The following CRTC3 variants were observed in gnomAD, a reference collection of about 807,000 sequenced individuals.
CRTC3 encodes CREB-regulated transcription coactivator 3.
CRTC3 carries 26 observed loss-of-function variants against 74.5 expected under a neutral mutation model. The observed-to-expected ratio is 0.35, with a 90% confidence interval of 0.26 to 0.48. CRTC3 has a LOEUF of 0.48. Among genes scored for constraint, CRTC3 ranks in the 20% least tolerant of loss-of-function variants. The pLI, the probability that CRTC3 is intolerant of heterozygous loss-of-function variation, is 0.99. For synonymous variants in CRTC3, 377 were observed against 325.8 expected (o/e 1.16, Z -1.69); for missense variants, 760 against 787.3 (o/e 0.97, Z 0.41).
At chr15:90,641,586 G>T (rs1969444543) in intron 14 of CRTC3, among the ~76,000 whole-genome samples, 1 of 151,960 alleles carries the variant, frequency 6.6e-6, no homozygotes. Context: ...TGTGGTCTCA[G>T]CTACTCGGGA....
chr15:90,545,307 G>A (rs1249263413), intron 2 of CRTC3, among the ~76,000 whole-genome samples: 1 of 152,162 alleles, frequency 6.6e-6, no homozygotes, highest in Non-Finnish European at 1.5e-5. Context: ...ATGAACATGG[G>A]TGTGCAAATA....
At chr15:90,594,742 A>T (rs1967880496) in intron 3 of CRTC3, 1 of 151,608 alleles carries the variant, frequency 6.6e-6, no homozygotes, top group African/African-American at 2.4e-5. Flanking sequence ...TCATTTTCTG[A>T]TGAGGAAACT....
At chr15:90,589,347 G>C (rs1238007139) in intron 2 of CRTC3, among the ~76,000 whole-genome samples, 1 of 149,330 alleles carries the variant, frequency 6.7e-6, no homozygotes, top group Non-Finnish European at 1.5e-5. Context: ...GAGCCATGGC[G>C]CCCAGCCTGT....
intron 2 of CRTC3, among the ~76,000 whole-genome samples, chr15:90,549,953 C>T (rs536000174): frequency 6.6e-6 from 1 of 150,914 alleles, no homozygotes; most frequent in Non-Finnish European, 1.5e-5. Flanking sequence ...ATTTGCCCGC[C>T]CTGGCCTCCC....
chr15:90,615,216 T>A (rs1303467578), intron 7 of CRTC3, among the ~76,000 whole-genome samples: 1 of 152,166 alleles, frequency 6.6e-6, no homozygotes, highest in Non-Finnish European at 1.5e-5. Flanking sequence ...AAACCTTACA[T>A]AAGATACTGA....
chr15:90,553,878 C>T (rs1358245911), intron 2 of CRTC3, among the ~76,000 whole-genome samples: 1 of 152,318 alleles, frequency 6.6e-6, no homozygotes. Context: ...CAATGATCTA[C>T]TTGAAAAGAA....
chr15:90,630,190 G>A (rs1356210799), intron 11 of CRTC3, among the ~76,000 whole-genome samples: 2 of 152,186 alleles, frequency 1.3e-5, no homozygotes, highest in Admixed American at 6.5e-5. Context: ...AGGGAAACCA[G>A]GTTAGGATTT....
chr15:90,538,773 C>CTTTTTTTTTTTTTTTT (rs4031379), intron 1 of CRTC3, among the ~76,000 whole-genome samples: 1 of 144,462 alleles, frequency 6.9e-6, no homozygotes, highest in Non-Finnish European at 1.5e-5. Context: ...CAAACTTCAC[C>CTTTTTTTTTTTTTTTT]TTTTTTTTTT....
At chr15:90,568,724 T>G (rs1967183358) in intron 2 of CRTC3, among the ~76,000 whole-genome samples, 1 of 152,286 alleles carries the variant, frequency 6.6e-6, no homozygotes, top group East Asian at 1.9e-4. Context: ...TGAAAGGAAG[T>G]TGATACAGCC....
chr15:90,638,267 G>A (rs1206392526), intron 11 of CRTC3, 179 bp from the exon 12 acceptor site: 2 of 580,310 alleles, frequency 3.4e-6, no homozygotes, highest in Non-Finnish European at 6.1e-6. Context: ...ATGCTTTGTG[G>A]GGAAGTAAAA....
At chr15:90,628,943 CCT>C (rs1968936306) in intron 10 of CRTC3, among the ~76,000 whole-genome samples, 1 of 152,142 alleles carries the variant, frequency 6.6e-6, no homozygotes, top group Non-Finnish European at 1.5e-5. Flanking sequence ...GGAATATTTG[CCT>C]CTGTTACCCC....
intron 2 of CRTC3, among the ~76,000 whole-genome samples, chr15:90,587,971 G>A (rs1474776251): frequency 6.6e-6 from 1 of 150,692 alleles, no homozygotes; most frequent in South Asian, 2.2e-4. Context: ...AATGGGGCCA[G>A]GCACAATGGC....
At chr15:90,545,179 C>G (rs758972817) in intron 2 of CRTC3, among the ~76,000 whole-genome samples, 7 of 152,084 alleles carry the variant, frequency 4.6e-5, no homozygotes, top group South Asian at 2.1e-4. Flanking sequence ...ACATGATTTC[C>G]TTCCTTTTCA....
chr15:90,601,552 C>G (rs1295776085), intron 3 of CRTC3, among the ~76,000 whole-genome samples: 1 of 152,092 alleles, frequency 6.6e-6, no homozygotes, highest in Admixed American at 6.5e-5. Flanking sequence ...ACTCGGGAGG[C>G]TGAGGCAGGA....
chr15:90,550,937 G>C (rs1457294248), intron 2 of CRTC3, among the ~76,000 whole-genome samples: 1 of 151,998 alleles, frequency 6.6e-6, no homozygotes, highest in Non-Finnish European at 1.5e-5. Context: ...AGAAGCTTAC[G>C]GAATGAAACA....
rs367598955 is a variant in CRTC3, at chr15:90,629,277, C to T, written c.1011C>T (p.Leu337=). 9.1e-5 allele frequency: 147 copies of T among 1,614,086 alleles called. No homozygotes were observed. Among genetic ancestry groups the T allele is most frequent in the Non-Finnish European group, 1.1e-4 (131 of 1,180,040 alleles). The change falls in exon 11 of 15, where the codon CTC becomes CTT. Residue 337 remains leucine (L), a synonymous_variant. Coordinates refer to ENST00000268184, the MANE Select transcript of CRTC3 (RefSeq NM_022769.5). The part of the protein sequence containing the change: ...SRSNPSIQAT[L]NKTVLSSSLN... ...GTAACCCCTCCATCCAAGCCACGCT[C>T]AATAAGACTGTGCTTTCCTCTTCCT... is the stretch of plus-strand genomic sequence containing the variant.
intron 10 of CRTC3, 131 bp downstream of exon 10, chr15:90,626,124 A>G: frequency 1.3e-6 from 1 of 754,376 alleles, no homozygotes; most frequent in South Asian, 1.5e-5. Context: ...ACCTTCTTGT[A>G]TCTCCTGACC....
At chr15:90,640,678 TAA>T (rs71463753) in intron 13 of CRTC3, among the ~76,000 whole-genome samples, 4 of 147,478 alleles carry the variant, frequency 2.7e-5, no homozygotes, top group Non-Finnish European at 1.5e-5. Flanking sequence ...ACCCTATCTT[TAA>T]AAAAAAAAAG....
intron 2 of CRTC3, 101 bp from the exon 3 acceptor site, chr15:90,593,535 T>C (rs959186365): frequency 2.1e-5 from 29 of 1,401,624 alleles, no homozygotes; most frequent in South Asian, 2.7e-5. Flanking sequence ...TAAGTAAAAC[T>C]GTAAAATCGG....
Sources: gnomAD v4.1 joint callset for allele counts (sites outside exome capture counted in the v4.1 genomes callset) on GRCh38, gnomAD v4.1.1 for gene constraint, MANE v1.5 for transcripts, NCBI Gene and HGNC (gene_info 2026-07-23, HGNC 2026-07-21) for gene names.